ADAMTS12: variants seen among roughly 807,000 people sequenced by gnomAD.
The protein encoded by ADAMTS12 is A disintegrin and metalloproteinase with thrombospondin motifs 12.
A neutral mutation model predicts 167.8 loss-of-function variants in ADAMTS12; 118 were observed. That is an observed-to-expected ratio of 0.70 (90% CI 0.61 to 0.82). The LOEUF is 0.82. Among genes scored for constraint, ADAMTS12 ranks in the 40% least tolerant of loss-of-function variants. The probability of loss-of-function intolerance (pLI) is 0.00; values close to 1 mark genes in which losing one functional copy is unlikely to be tolerated. For synonymous variants in ADAMTS12, 704 were observed against 716.9 expected (o/e 0.98, Z 0.29); for missense variants, 1,916 against 1,998.8 (o/e 0.96, Z 0.79).
intron 19 of ADAMTS12, among the ~76,000 whole-genome samples, chr5:33,566,935 G>A (rs1561130536): frequency 6.6e-6 from 1 of 152,156 alleles, no homozygotes; most frequent in African/African-American, 2.4e-5. Context: ...GGGCAAATTT[G>A]ATGATGGGAA....
intron 7 of ADAMTS12, among the ~76,000 whole-genome samples, chr5:33,656,891 A>G (rs1741081214): frequency 6.6e-6 from 1 of 152,190 alleles, no homozygotes; most frequent in East Asian, 1.9e-4. Flanking sequence ...CCTAATTATT[A>G]TTTAATGAAA....
At chr5:33,733,864 G>C (rs1744278034) in intron 3 of ADAMTS12, among the ~76,000 whole-genome samples, 1 of 152,114 alleles carries the variant, frequency 6.6e-6, no homozygotes, top group South Asian at 2.1e-4. Context: ...ACACAGCCAA[G>C]CAAGTACCAT....
chr5:33,614,466 A>G, intron 15 of ADAMTS12, 90 bp from the exon 16 acceptor site: 1 of 1,490,890 alleles, frequency 6.7e-7, no homozygotes, highest in African/African-American at 1.4e-5. Flanking sequence ...TCAGTCATCT[A>G]AAATTAGTAA....
chr5:33,672,105 CCA>C (rs1741724213), intron 5 of ADAMTS12, among the ~76,000 whole-genome samples: 1 of 136,656 alleles, frequency 7.3e-6, no homozygotes, highest in Non-Finnish European at 1.6e-5. Context: ...ACACTCACAT[CCA>C]CACACTCACA....
At chr5:33,882,747 A>G (rs886201409) in intron 1 of ADAMTS12, among the ~76,000 whole-genome samples, 5 of 152,102 alleles carry the variant, frequency 3.3e-5, no homozygotes, top group Non-Finnish European at 5.9e-5. Context: ...GTGCACCACC[A>G]TGCCCGGCTA....
At chr5:33,752,574 C>T (rs1049956724) in intron 2 of ADAMTS12, among the ~76,000 whole-genome samples, 1 of 152,172 alleles carries the variant, frequency 6.6e-6, no homozygotes, top group South Asian at 2.1e-4. Context: ...AGAAGAGGGC[C>T]TGGATCATAG....
intron 21 of ADAMTS12, among the ~76,000 whole-genome samples, chr5:33,548,894 A>G (rs1745113339): frequency 6.6e-6 from 1 of 152,204 alleles, no homozygotes. Context: ...TGTTCAAATC[A>G]TCCCATTGCG....
chr5:33,637,569 C>T lies in ADAMTS12; in HGVS notation c.1888+8G>A. 2 of 1,611,908 alleles carry T rather than the reference C, an allele frequency of 1.2e-6. No homozygotes were observed. Among genetic ancestry groups the T allele is most frequent in the South Asian group, 2.2e-5 (2 of 90,682 alleles). On this transcript the variant is annotated splice_region_variant and intron_variant, in intron 12 of 23. Coordinates refer to ENST00000504830, the MANE Select transcript of ADAMTS12 (RefSeq NM_030955.4). ...CTAGATCTGAGATACACCATTACAGCTCCTTACCTGGGTTAAAAATGGGAA... is the reference window on the plus strand; with the variant it reads ...CTAGATCTGAGATACACCATTACAGTTCCTTACCTGGGTTAAAAATGGGAA...
At chr5:33,546,585 T>G (rs1355725213) in intron 21 of ADAMTS12, among the ~76,000 whole-genome samples, 1 of 152,260 alleles carries the variant, frequency 6.6e-6, no homozygotes, top group Non-Finnish European at 1.5e-5. Context: ...AGATTTAGTC[T>G]TCCTTTTCCA....
At position 33,576,762 on chromosome 5, in the gene ADAMTS12, G is replaced by T; in HGVS notation, c.3264C>A (p.Ser1088=). 6.2e-7 allele frequency: 1 copy of T among 1,614,218 alleles called. No individual in the cohort carries two copies. The highest frequency in any genetic ancestry group is 8.5e-7 in the Non-Finnish European group (1 of 1,180,038). ...SRYLISTGST[S]QPILTSQSLS... ...AGGATTGGGAAGTGAGGATGGGCTG[G>T]GAAGTGCTTCCAGTGGAAATGAGAT... Residue 1088 remains serine, a synonymous_variant, in exon 19 of 24, where the codon TCC becomes TCA. Coordinates refer to ENST00000504830, the MANE Select transcript of ADAMTS12 (RefSeq NM_030955.4).
chr5:33,647,878 TC>T (rs1273412488), intron 9 of ADAMTS12, among the ~76,000 whole-genome samples: 14 of 152,346 alleles, frequency 9.2e-5, no homozygotes, highest in Admixed American at 2.6e-4. Flanking sequence ...TTATTTACTT[TC>T]CCCTTTAAGT....
chr5:33,766,283 G>A (rs1179381345), intron 2 of ADAMTS12, among the ~76,000 whole-genome samples: 1 of 152,132 alleles, frequency 6.6e-6, no homozygotes, highest in Non-Finnish European at 1.5e-5. Context: ...GACCAGAGTG[G>A]CATGTTATCT....
At chr5:33,673,552 A>G (rs549007879) in intron 5 of ADAMTS12, among the ~76,000 whole-genome samples, 1 of 152,072 alleles carries the variant, frequency 6.6e-6, no homozygotes, top group East Asian at 1.9e-4. Context: ...CCTCCTCTAC[A>G]TCTTTGCTAC....
At chr5:33,790,116 C>A (rs1264920910) in intron 2 of ADAMTS12, among the ~76,000 whole-genome samples, 1 of 152,130 alleles carries the variant, frequency 6.6e-6, no homozygotes, top group African/African-American at 2.4e-5. Context: ...CTTTACAGTT[C>A]ATCCATTCGA....
At chr5:33,716,218 G>T (rs1393543234) in intron 3 of ADAMTS12, among the ~76,000 whole-genome samples, 1 of 152,062 alleles carries the variant, frequency 6.6e-6, no homozygotes, top group Admixed American at 6.6e-5. Flanking sequence ...GAGACACAGA[G>T]AAATGGTACC....
intron 22 of ADAMTS12, among the ~76,000 whole-genome samples, chr5:33,545,267 T>C (rs1013799455): frequency 2.0e-5 from 3 of 152,160 alleles, no homozygotes; most frequent in Non-Finnish European, 4.4e-5. Context: ...AAAATGCTCA[T>C]CATCACTGGT....
At chr5:33,660,598 C>T (rs1741223554) in intron 6 of ADAMTS12, among the ~76,000 whole-genome samples, 1 of 152,130 alleles carries the variant, frequency 6.6e-6, no homozygotes, top group African/African-American at 2.4e-5. Context: ...GTGGGCAATG[C>T]CATTCCCTGA....
At chr5:33,530,316 T>C (rs1744037085) in intron 23 of ADAMTS12, among the ~76,000 whole-genome samples, 1 of 152,234 alleles carries the variant, frequency 6.6e-6, no homozygotes, top group African/African-American at 2.4e-5. Flanking sequence ...GGAATATCCC[T>C]TCCAGCTCTT....
chr5:33,624,391 G>A (rs34333679), intron 13 of ADAMTS12, 40 bp from the exon 14 acceptor site: 168,712 of 1,612,132 alleles, frequency 0.1, 9,428 homozygotes, highest in Middle Eastern at 0.15. Context: ...CCCAGGCAGG[G>A]GATGCCACTC....
Sources: allele counts gnomAD v4.1 joint callset (sites outside exome capture counted in the v4.1 genomes callset), GRCh38; gene constraint gnomAD v4.1.1; transcripts MANE v1.5; gene names NCBI Gene and HGNC (gene_info 2026-07-23, HGNC 2026-07-21).